The following CBLB variants were observed in gnomAD, a reference collection of about 807,000 sequenced individuals.
The protein encoded by CBLB is E3 ubiquitin-protein ligase CBL-B.
In CBLB, 31 loss-of-function variants were observed where a neutral mutation model predicts 104.9. That is an observed-to-expected ratio of 0.30 (90% CI 0.22 to 0.40). CBLB has a LOEUF of 0.40. Ranked by LOEUF, CBLB falls within the 10% of genes least tolerant of loss-of-function variation. CBLB has a pLI of 1.00. For synonymous variants in CBLB, 440 were observed against 422.6 expected, an observed-to-expected ratio of 1.04 and a Z score of -0.51; for missense variants, 1,062 against 1,214.6, an observed-to-expected ratio of 0.87 and a Z score of 1.87.
At chr3:105,833,922 G>A (rs894766221) in intron 3 of CBLB, among the ~76,000 whole-genome samples, 1 of 151,898 alleles carries the variant, frequency 6.6e-6, no homozygotes, top group African/African-American at 2.4e-5. Flanking sequence ...AAAAAAATTT[G>A]AGAGTAACTA....
At chr3:105,847,617 T>TTG (rs2090436325) in intron 3 of CBLB, among the ~76,000 whole-genome samples, 1 of 148,730 alleles carries the variant, frequency 6.7e-6, no homozygotes, top group Non-Finnish European at 1.5e-5. Flanking sequence ...AGTTGACTTT[T>TTG]TTTCCAGTGG....
intron 10 of CBLB, among the ~76,000 whole-genome samples, chr3:105,714,123 T>C (rs1046159685): frequency 6.6e-6 from 1 of 152,138 alleles, no homozygotes; most frequent in Non-Finnish European, 1.5e-5. Context: ...CAGATTTAAA[T>C]AGACAACGTA....
chr3:105,833,398 G>A (rs2087886830), intron 3 of CBLB, among the ~76,000 whole-genome samples: 1 of 152,046 alleles, frequency 6.6e-6, no homozygotes, highest in African/African-American at 2.4e-5. Flanking sequence ...GAGACAGACA[G>A]GCTTATTAAT....
At position 105,768,990 on chromosome 3, in the gene CBLB, C is replaced by A. The variant is rs1357208695; in HGVS notation, c.566+7406G>T. ...ATTGAGAGTAGAGGATAGACATCGT[C>A]CATCTATGCAATTATTCATGTAGTC... On this transcript the variant is annotated intron_variant, in intron 4 of 18. Coordinates refer to ENST00000394030, the MANE Select transcript of CBLB (RefSeq NM_170662.5). 2.0e-5 allele frequency among the ~76,000 whole-genome samples: 3 copies of A among 152,154 alleles called. No homozygotes were observed. In the East Asian group the frequency reaches 5.8e-4, roughly 29 times the overall value.
In CBLB at chr3:105,681,816, G is replaced by C. The variant is rs1481391670; in HGVS notation, c.2204C>G (p.Ser735Cys). The change falls in exon 15 of 19, where the codon TCT becomes TGT. Residue 735 changes from serine to cysteine, a missense_variant and splice_region_variant. Ser to Cys is a moderately radical substitution (Grantham distance 112). Transcript: ENST00000394030. ...CAGCATACAGTGACCATTATCACAAGACCTAAAGGACAGTTCAGAGTAAAA... is the reference window on the plus strand; with the variant it reads ...CAGCATACAGTGACCATTATCACAACACCTAAAGGACAGTTCAGAGTAAAA... ...HCHNVKPPVRSCDNGHCMLNG... is the reference protein window; with the variant it reads ...HCHNVKPPVRCCDNGHCMLNG... The C allele has an allele frequency of 6.4e-7, 1 of 1,574,572 alleles. No homozygotes were observed. The highest frequency in any genetic ancestry group is 8.7e-7 in the Non-Finnish European group (1 of 1,144,832).
At chr3:105,700,427 C>T (rs1035404095) in intron 12 of CBLB, among the ~76,000 whole-genome samples, 2 of 151,796 alleles carry the variant, frequency 1.3e-5, no homozygotes, top group Non-Finnish European at 2.9e-5. Flanking sequence ...TAACACTCTT[C>T]CCAAGACAAG....
At chr3:105,778,392 A>C (rs1268513953) in intron 3 of CBLB, among the ~76,000 whole-genome samples, 1 of 152,118 alleles carries the variant, frequency 6.6e-6, no homozygotes, top group Non-Finnish European at 1.5e-5. Context: ...CCTGACAATA[A>C]AATCATTGGA....
intron 3 of CBLB, chr3:105,839,561 A>G (rs2089220295): frequency 6.6e-6 from 1 of 152,254 alleles, no homozygotes; most frequent in Non-Finnish European, 1.5e-5. Flanking sequence ...TATGAAAATG[A>G]TATCAGTAAT....
At chr3:105,783,513 G>C (rs2080549515) in intron 3 of CBLB, among the ~76,000 whole-genome samples, 1 of 152,108 alleles carries the variant, frequency 6.6e-6, no homozygotes, top group South Asian at 2.1e-4. Flanking sequence ...GCAAGTATTT[G>C]ATACAGTCAT....
rs536417704 is a variant in CBLB at position 105,690,800 on chromosome 3, C to T, written c.2054+2694G>A. The stretch of plus-strand genomic sequence containing the variant: ...TCGCGCCACTGCACTCCAGCCTGGG[C>T]GACAGAGTGAGACTCCATCTCAAAA... On this transcript the variant is annotated intron_variant, in intron 13 of 18. Transcript: ENST00000394030. Among the ~76,000 whole-genome samples, 80 of 144,616 alleles carry T rather than the reference C, an allele frequency of 5.5e-4. 1 individual carries two copies. Among genetic ancestry groups the T allele is most frequent in the African/African-American group, 1.8e-3 (69 of 38,958 alleles). The allele number at this position is 144,616 out of a possible 152,430, so 94.9% of individuals were successfully genotyped here. A position where few individuals can be genotyped will look rare whatever the true frequency, so the allele number is the denominator to read the frequency against.
At chr3:105,827,347 C>T (rs1202696667) in intron 3 of CBLB, among the ~76,000 whole-genome samples, 1 of 152,090 alleles carries the variant, frequency 6.6e-6, no homozygotes, top group Non-Finnish European at 1.5e-5. Flanking sequence ...ATCTCCCACA[C>T]AGAAGTTGGT....
At chr3:105,733,807 T>C (rs1045416822) in intron 9 of CBLB, among the ~76,000 whole-genome samples, 4 of 152,136 alleles carry the variant, frequency 2.6e-5, no homozygotes, top group Admixed American at 2.6e-4. Flanking sequence ...ATGACTAATA[T>C]AATAAAATTT....
chr3:105,723,245 T>C (rs1262483284), intron 9 of CBLB, among the ~76,000 whole-genome samples: 1 of 152,172 alleles, frequency 6.6e-6, no homozygotes, highest in African/African-American at 2.4e-5. Flanking sequence ...ATAATTAAAA[T>C]AATGTTTCTG....
At chr3:105,791,277 G>T (rs1434846561) in intron 3 of CBLB, among the ~76,000 whole-genome samples, 1 of 152,172 alleles carries the variant, frequency 6.6e-6, no homozygotes, top group African/African-American at 2.4e-5. Flanking sequence ...CTTTGGCGGA[G>T]TCTCAGCCCC....
chr3:105,769,028 T>C (rs143535483), intron 4 of CBLB, among the ~76,000 whole-genome samples: 10 of 152,316 alleles, frequency 6.6e-5, no homozygotes, highest in Non-Finnish European at 1.5e-4. Flanking sequence ...TTAACAATTA[T>C]TGCCGCCGGG....
intron 10 of CBLB, among the ~76,000 whole-genome samples, chr3:105,714,751 C>A (rs1346909993): frequency 6.6e-6 from 1 of 152,084 alleles, no homozygotes; most frequent in Non-Finnish European, 1.5e-5. Flanking sequence ...TTTGGGGACC[C>A]CTGCTATAGA....
intron 2 of CBLB, among the ~76,000 whole-genome samples, chr3:105,854,228 C>T (rs1054294739): frequency 1.1e-4 from 16 of 152,174 alleles, no homozygotes; most frequent in South Asian, 2.1e-4. Context: ...CTGTCTACCA[C>T]GCCTATAAAC....
chr3:105,732,536 A>G (rs1231025134), intron 9 of CBLB, among the ~76,000 whole-genome samples: 1 of 152,226 alleles, frequency 6.6e-6, no homozygotes, highest in Non-Finnish European at 1.5e-5. Context: ...TTACTGAGGT[A>G]GCAAAGATCT....
chr3:105,867,857 G>T (rs1323179180), intron 1 of CBLB, among the ~76,000 whole-genome samples: 1 of 149,908 alleles, frequency 6.7e-6, no homozygotes, highest in African/African-American at 2.5e-5. Flanking sequence ...AGTAGCTAAG[G>T]CTGAACTAAT....
Sources: gnomAD v4.1 joint callset for allele counts (sites outside exome capture counted in the v4.1 genomes callset) on GRCh38, gnomAD v4.1.1 for gene constraint, MANE v1.5 for transcripts, NCBI Gene and HGNC (gene_info 2026-07-23, HGNC 2026-07-21) for gene names.